Variants in TNXB observed in about 807,000 individuals in gnomAD.
The protein encoded by TNXB is tenascin XB.
Under a neutral mutation model 340.5 loss-of-function variants are expected in TNXB, and 183 were observed. That is an observed-to-expected ratio of 0.54 (90% confidence interval 0.48 to 0.61). The LOEUF (loss-of-function observed/expected upper bound fraction) is 0.61. TNXB is among the 20% of genes least tolerant of loss of function. The pLI, the probability that TNXB is intolerant of heterozygous loss-of-function variation, is 0.00. For missense variants in TNXB, 4,613 were observed against 5,446.4 expected, an observed-to-expected ratio of 0.85 and a Z score of 4.82; for synonymous variants, 2,121 against 2,314.5, an observed-to-expected ratio of 0.92 and a Z score of 2.40.
Position 32,053,691 on chromosome 6 carries a change from T to C in TNXB, c.8488A>G (p.Thr2830Ala), listed in dbSNP as rs1314243411. Residue 2830 changes from threonine to alanine, a missense_variant, in exon 25 of 44, where the codon ACC (threonine) becomes GCC (alanine). By Grantham distance (58) the Thr-to-Ala change is moderately conservative. Around this residue, in one of 7 missense-constraint regions of TNXB, gnomAD observed 4,327 missense variants for 4,859.4 expected, o/e 0.89. Transcript: ENST00000644971. The stretch of plus-strand genomic sequence containing the variant: ...GTTGTGGTGGGCACTGCTTGGGTGG[T>C]CTCTGCTTCATCCTCTGGAGCTGGA... ...GVTAPEDEAE[T>A]TQAVPTTTPE... The C allele has an allele frequency of 1.9e-6, 3 of 1,612,512 alleles. No homozygotes were observed. Among genetic ancestry groups the C allele is most frequent in the Non-Finnish European group, 2.5e-6 (3 of 1,179,444 alleles).
At position 32,047,259 on chromosome 6, in the gene TNXB, T is replaced by G. The variant is rs1490672555; in HGVS notation, c.10324+475A>C. ...AGGGTCGGTGACCCACCACACCCCT[T>G]CCTCAGGGAGCTGAGTCATAGGCAT... On this transcript the variant is annotated intron_variant, in intron 30 of 43. Coordinates refer to ENST00000644971, the MANE Select transcript of TNXB (RefSeq NM_001365276.2). This position sits in a 1 kb window ranked among gnomAD's most constrained non-coding sequence, Gnocchi z 6.2. 6.6e-6 allele frequency among the ~76,000 whole-genome samples: 1 copy of G among 152,240 alleles called. No homozygotes were observed. The highest frequency in any genetic ancestry group is 2.4e-5 in the African/African-American group (1 of 41,470).
rs546910118 is a variant in TNXB, at chr6:32,061,583, C to T, written c.7306G>A (p.Gly2436Ser). The T allele has an allele frequency of 6.8e-6, 11 of 1,613,236 alleles. No individual in the cohort carries two copies. The highest frequency in any genetic ancestry group is 9.3e-6 in the Non-Finnish European group (11 of 1,179,882). ...TGCACGGTGAAGGAGTCGAAGCGGCCCTGGGGGACGGTCCAGGAGAGGCTC... is the reference window on the plus strand; with the variant it reads ...TGCACGGTGAAGGAGTCGAAGCGGCTCTGGGGGACGGTCCAGGAGAGGCTC... ...SLSLSWTVPQGRFDSFTVQYK... is the reference protein window; with the variant it reads ...SLSLSWTVPQSRFDSFTVQYK... The change falls in exon 21 of 44, where the codon GGC (glycine) becomes AGC (serine). Residue 2436 changes from glycine (G) to serine (S), a missense_variant. Transcript: ENST00000644971. This position sits in a 1 kb window ranked among gnomAD's most constrained non-coding sequence, Gnocchi z 4.4.
intron 6 of TNXB, 79 bp downstream of exon 6, chr6:32,088,706 G>A (rs1208051235): frequency 4.0e-6 from 6 of 1,509,232 alleles, no homozygotes; most frequent in Non-Finnish European, 5.3e-6. Flanking sequence ...GAGTCTGTGA[G>A]CCCTGAGCCT....
At position 32,052,728 on chromosome 6, in the gene TNXB, G is replaced by A. The variant is rs751582197; in HGVS notation, c.9057C>T (p.His3019=). ...GLEPGCKYKM[H]LYGLHEGQRV... ...GCTGCCCCTCGTGGAGGCCGTACAG[G>A]TGCATCTTGTATTTGCACCCGGGCT... The change falls in exon 26 of 44, where the codon CAC becomes CAT. Residue 3019 remains histidine (H), a synonymous_variant. Transcript: ENST00000644971. The surrounding 1 kb of genome is among the most constrained non-coding windows in gnomAD (Gnocchi z 4.7). The A allele has an allele frequency of 2.1e-5, 34 of 1,613,692 alleles. No homozygotes were observed. Among genetic ancestry groups the A allele is most frequent in the African/African-American group, 1.6e-4 (12 of 74,916 alleles).
At position 32,087,382 on chromosome 6, in the gene TNXB, T is replaced by TCAC. The variant is rs1203430836; in HGVS notation, c.2780-1267_2780-1265dup. 4.2e-6 allele frequency: 2 copies of TCAC among 471,180 alleles called. No homozygotes were observed. Among genetic ancestry groups the TCAC allele is most frequent in the Admixed American group, 2.3e-5 (1 of 44,156 alleles). The allele number at this position is 471,180 out of a possible 1,614,324, so 29.2% of individuals were successfully genotyped here. On this transcript the variant is annotated intron_variant, in intron 6 of 43. Transcript: ENST00000644971. This position sits in a 1 kb window ranked among gnomAD's most constrained non-coding sequence, Gnocchi z 9.0. Reference sequence around the variant, plus strand: ...GCGCGTGGTGCCCGGCACAGTCAGCTCACCGCCGGGGCCCTCTGCAGGCGG... The same window carrying TCAC: ...GCGCGTGGTGCCCGGCACAGTCAGCTCACCACCGCCGGGGCCCTCTGCAGGCGG...
At chr6:32,065,208 A>C (rs1778272979) in intron 18 of TNXB, 91 bp from the exon 19 acceptor site, 1 of 1,162,796 alleles carries the variant, frequency 8.6e-7, no homozygotes, top group East Asian at 2.6e-5. Flanking sequence ...AGGTGGGCCC[A>C]GTCTGGCCCT....
At chr6:32,103,468 C>T (rs1172831470) in intron 1 of TNXB, among the ~76,000 whole-genome samples, 2 of 151,500 alleles carry the variant, frequency 1.3e-5, no homozygotes, top group Non-Finnish European at 2.9e-5. Flanking sequence ...AACCTATCCC[C>T]AATCTCACAC....
In TNXB at chr6:32,070,334, G is replaced by C; in HGVS notation, c.5071C>G (p.Arg1691Gly). 1 of 1,610,700 alleles carries C rather than the reference G, an allele frequency of 6.2e-7. No homozygotes were observed. The highest frequency in any genetic ancestry group is 8.5e-7 in the Non-Finnish European group (1 of 1,178,852). ...CCCTCAGGAACCGTCCAGGAGAGGC[G>C]CAGTGAGTCTGGGGTGGGGTCTGTC... ...WVTDPTPDSLRLSWTVPEGQF... is the reference protein window; with the variant it reads ...WVTDPTPDSLGLSWTVPEGQF... The change falls in exon 14 of 44, where the codon CGC becomes GGC. Residue 1691 changes from arginine to glycine, a missense_variant. By Grantham distance (125) the Arg-to-Gly change is moderately radical. Around this residue, in one of 7 missense-constraint regions of TNXB, gnomAD observed 4,327 missense variants for 4,859.4 expected, o/e 0.89. Transcript: ENST00000644971. This position sits in a 1 kb window ranked among gnomAD's most constrained non-coding sequence, Gnocchi z 6.0.
intron 1 of TNXB, among the ~76,000 whole-genome samples, chr6:32,106,005 C>CCAGA (rs1304734576): frequency 1.3e-5 from 2 of 151,900 alleles, no homozygotes; most frequent in Non-Finnish European, 2.9e-5. Context: ...TGAACAAAAG[C>CCAGA]CAGACACAGG....
In TNXB at chr6:32,081,222, G is replaced by A. The variant is rs1443038735; in HGVS notation, c.4042+146C>T. On this transcript the variant is annotated intron_variant, in intron 10 of 43. Coordinates refer to ENST00000644971, the MANE Select transcript of TNXB (RefSeq NM_001365276.2). The surrounding 1 kb of genome is among the most constrained non-coding windows in gnomAD (Gnocchi z 5.1). ...GGGGGACCTGGCATGCAGAGGACAG[G>A]AGAGCAGTGCGGGAGGAAGTGGGTG... The A allele has an allele frequency of 2.8e-6, 2 of 724,458 alleles. No homozygotes were observed. Among genetic ancestry groups the A allele is most frequent in the Non-Finnish European group, 4.5e-6 (2 of 447,258 alleles). 44.9% of individuals were successfully genotyped at this position (724,458 alleles called of 1,614,324 possible).
At position 32,072,882 on chromosome 6, in the gene TNXB, C is replaced by T. The variant is rs1241484457; in HGVS notation, c.4682-584G>A. ...AGGAGAATTGCTTGAACTTGGGAAG[C>T]GGAGGTTGCAGTGAGCCGAGATCGC... On this transcript the variant is annotated intron_variant, in intron 12 of 43. Coordinates refer to ENST00000644971, the MANE Select transcript of TNXB (RefSeq NM_001365276.2). The surrounding 1 kb of genome is among the most constrained non-coding windows in gnomAD (Gnocchi z 4.4). Among the ~76,000 whole-genome samples the T allele has an allele frequency of 1.3e-5, 2 of 152,130 alleles. No homozygotes were observed. Among genetic ancestry groups the T allele is most frequent in the African/African-American group, 2.4e-5 (1 of 41,408 alleles).
At position 32,042,096 on chromosome 6, in the gene TNXB, C is replaced by T; in HGVS notation, c.12385G>A (p.Val4129Met). 1.8e-6 allele frequency: 1 copy of T among 571,058 alleles called. No individual in the cohort carries two copies. The highest frequency in any genetic ancestry group is 3.0e-6 in the Non-Finnish European group (1 of 329,062). 35.4% of individuals were successfully genotyped at this position (571,058 alleles called of 1,614,324 possible). ...TGGAAGGAGTCGTACTGGGCGAACA[C>T]AGCCTCGTCCCCAGCCCGCAGGTCC... ...RVDLRAGDEA[V>M]FAQYDSFHVD... The change falls in exon 42 of 44, where the codon GTG becomes ATG. Residue 4129 changes from valine (V) to methionine (M), a missense_variant. By Grantham distance (21) the Val-to-Met change is conservative. Transcript: ENST00000644971.
At position 32,061,266 on chromosome 6, in the gene TNXB, CACA is replaced by C. The variant is rs1332888711; in HGVS notation, c.7492+128_7492+130del. On this transcript the variant is annotated intron_variant, in intron 21 of 43. Transcript: ENST00000644971. This position sits in a 1 kb window ranked among gnomAD's most constrained non-coding sequence, Gnocchi z 4.4. ...GCAAACCGCTAGCATAGGCCACAGCCACAGGGCACAGAGGGAGGGCAGGACACA... is the reference window on the plus strand; with the variant it reads ...GCAAACCGCTAGCATAGGCCACAGCCGGGCACAGAGGGAGGGCAGGACACA... 3 of 1,389,806 alleles carry C rather than the reference CACA, an allele frequency of 2.2e-6. No homozygotes were observed. The highest frequency in any genetic ancestry group is 2.9e-6 in the Non-Finnish European group (3 of 1,031,664). 86.1% of individuals were successfully genotyped at this position (1,389,806 alleles called of 1,614,324 possible).
In TNXB at chr6:32,073,689, C is replaced by G. The variant is rs1025025117; in HGVS notation, c.4639G>C (p.Asp1547His). ...KYKMNMYGLH[D>H]GQRMGPLSVV... ...GACAGGGGGCCCATGCGTTGCCCAT[C>G]ATGTAGTCCATACATGTTCATCTTA... The change falls in exon 12 of 44, where the codon GAT (aspartate) becomes CAT (histidine). Residue 1547 changes from aspartate (D) to histidine (H), a missense_variant. By Grantham distance (81) the Asp-to-His change is moderately conservative (BLOSUM62 -1). Coordinates refer to ENST00000644971, the MANE Select transcript of TNXB (RefSeq NM_001365276.2). The surrounding 1 kb of genome is among the most constrained non-coding windows in gnomAD (Gnocchi z 4.6). The G allele has an allele frequency of 1.9e-6, 3 of 1,610,072 alleles. No homozygotes were observed. The highest frequency in any genetic ancestry group is 1.7e-6 in the Non-Finnish European group (2 of 1,178,868).
chr6:32,105,247 A>G (rs995050257), intron 1 of TNXB, among the ~76,000 whole-genome samples: 1 of 151,944 alleles, frequency 6.6e-6, no homozygotes, highest in African/African-American at 2.4e-5. Flanking sequence ...CTCATCCTTC[A>G]GGTCTCAGCC....
chr6:32,047,872 GCCGACCAT>G lies in TNXB; in HGVS notation c.10178_10185del (p.Asp3393AlafsTer22), dbSNP rs1349905740. ...TTGGCTGCCACCGGCACCACCTGGA[GCCGACCAT>G]CCTTATCCTTGTACTGGACCACGAA... On this transcript the variant is annotated frameshift_variant, in exon 30 of 44. Transcript: ENST00000644971. LOFTEE classifies it high-confidence loss of function. This position sits in a 1 kb window ranked among gnomAD's most constrained non-coding sequence, Gnocchi z 6.2. 9 of 1,612,380 alleles carry G rather than the reference GCCGACCAT, an allele frequency of 5.6e-6. No homozygotes were observed. Among genetic ancestry groups the G allele is most frequent in the Non-Finnish European group, 7.6e-6 (9 of 1,179,644 alleles).
rs1197720156 is a variant in TNXB at position 32,046,563 on chromosome 6, C to T, written c.10325-107G>A. ...CTGGGAAATGGTCCCTCCAGTGTAGCCCCAGGGACAGCTCCTTGAGGAGAC... is the reference window on the plus strand; with the variant it reads ...CTGGGAAATGGTCCCTCCAGTGTAGTCCCAGGGACAGCTCCTTGAGGAGAC... On this transcript the variant is annotated intron_variant, in intron 30 of 43. Transcript: ENST00000644971. The surrounding 1 kb of genome is among the most constrained non-coding windows in gnomAD (Gnocchi z 6.9). 9.8e-7 allele frequency: 1 copy of T among 1,016,274 alleles called. No homozygotes were observed. Among genetic ancestry groups the T allele is most frequent in the African/African-American group, 1.6e-5 (1 of 61,998 alleles). 63.0% of individuals were successfully genotyped at this position (1,016,274 alleles called of 1,614,324 possible).
rs763223867 is a variant in TNXB, at chr6:32,042,493, C to T, written c.12172G>A (p.Val4058Met). ...CCATCAGTCTCCATGTCGCAAAACA[C>T]GTTCAGGGGCCGCTCGCGGTTGCCG... is the stretch of plus-strand genomic sequence containing the variant. The part of the protein sequence containing the change: ...LNGNRERPLN[V>M]FCDMETDGGG... Residue 4058 changes from valine to methionine, a missense_variant, in exon 40 of 44, where the codon GTG becomes ATG. By Grantham distance (21) the Val-to-Met change is conservative. Transcript: ENST00000644971. 1.5e-5 allele frequency: 24 copies of T among 1,612,704 alleles called. No homozygotes were observed. The highest frequency in any genetic ancestry group is 1.7e-5 in the Non-Finnish European group (20 of 1,179,996).
chr6:32,068,717 G>C lies in TNXB; in HGVS notation c.5903-10C>G. ...TTCTCCTCCTCCGGGACTGGACAGA[G>C]ACATGGAAAGAGAGGACTGAGGTGG... On this transcript the variant is annotated splice_polypyrimidine_tract_variant and intron_variant, in intron 16 of 43. Transcript: ENST00000644971. This position sits in a 1 kb window ranked among gnomAD's most constrained non-coding sequence, Gnocchi z 5.3. The C allele has an allele frequency of 6.2e-7, 1 of 1,610,398 alleles. No homozygotes were observed. The highest frequency in any genetic ancestry group is 1.1e-5 in the South Asian group (1 of 90,904).
Sources: allele counts gnomAD v4.1 joint callset (sites outside exome capture counted in the v4.1 genomes callset), GRCh38; gene constraint gnomAD v4.1.1; regional missense constraint gnomAD v4.1.1; non-coding constraint Gnocchi (gnomAD v3.1); transcripts MANE v1.5; gene names NCBI Gene and HGNC (gene_info 2026-07-23, HGNC 2026-07-21).